Variants in GOLGA3 observed in about 807,000 individuals in gnomAD.
The protein encoded by GOLGA3 is golgin subfamily A member 3.
Under a neutral mutation model 169.4 loss-of-function variants are expected in GOLGA3, and 75 were observed. The ratio of observed to expected loss-of-function variants is 0.44; its 90% CI spans 0.37 to 0.54. The LOEUF is 0.54. Among genes scored for constraint, GOLGA3 ranks in the 20% least tolerant of loss-of-function variants. GOLGA3 has a pLI of 0.00. For missense variants in GOLGA3, 1,899 were observed against 1,930.0 expected, an observed-to-expected ratio of 0.98 and a Z score of 0.30; for synonymous variants, 824 against 822.4, an observed-to-expected ratio of 1.00 and a Z score of -0.03.
At chr12:132,795,560 A>T (rs945910477) in intron 11 of GOLGA3, among the ~76,000 whole-genome samples, 1 of 152,298 alleles carries the variant, frequency 6.6e-6, no homozygotes, top group Admixed American at 6.5e-5. Flanking sequence ...TAGGAGTTTG[A>T]GACTAGCCTG....
Position 132,789,080 on chromosome 12 carries a change from C to T in GOLGA3, c.2758G>A (p.Gly920Arg), listed in dbSNP as rs2046084140. The T allele has an allele frequency of 1.2e-6, 2 of 1,610,428 alleles. No homozygotes were observed. The highest frequency in any genetic ancestry group is 2.2e-5 in the South Asian group (2 of 90,832). ...QVRQHMADLE[G>R]HLQSAQKERD... is the part of the protein sequence containing the mutation. ...TCCTTCTGCGCCGACTGGAGATGCC[C>T]TTCAAGGTCCGCCATGTGCTGACGG... The change falls in exon 13 of 24, where the codon GGG becomes AGG. Residue 920 changes from glycine (G) to arginine (R), a missense_variant. Gly to Arg is a moderately radical substitution (Grantham distance 125). Transcript: ENST00000450791.
At chr12:132,802,408 T>G (rs1593320152) in intron 7 of GOLGA3, among the ~76,000 whole-genome samples, 5 of 146,920 alleles carry the variant, frequency 3.4e-5, no homozygotes, top group South Asian at 2.3e-4. Flanking sequence ...GGCACAGGGG[T>G]GCACGCCCAG....
At chr12:132,813,472 C>G (rs923387855) in intron 3 of GOLGA3, 53 bp from the exon 4 acceptor site, 1 of 948,290 alleles carries the variant, frequency 1.1e-6, no homozygotes, top group African/African-American at 1.6e-5. Flanking sequence ...GGATGCAGAA[C>G]AATCAGGCAC....
At chr12:132,802,192 C>A (rs1031203118) in intron 7 of GOLGA3, among the ~76,000 whole-genome samples, 1 of 152,286 alleles carries the variant, frequency 6.6e-6, no homozygotes, top group South Asian at 2.1e-4. Flanking sequence ...TTCCTGCAGG[C>A]CTCTGCTCAC....
intron 9 of GOLGA3, 60 bp downstream of exon 9, chr12:132,798,280 C>A: frequency 6.8e-7 from 1 of 1,474,872 alleles, no homozygotes; most frequent in Non-Finnish European, 9.2e-7. Context: ...AGAAAACACA[C>A]ATGGTATCGA....
chr12:132,774,521 T>G (rs1022704428), intron 22 of GOLGA3: 1 of 613,450 alleles, frequency 1.6e-6, no homozygotes, highest in African/African-American at 1.8e-5. Flanking sequence ...CCTTTATTCC[T>G]AAGGCACAAA....
chr12:132,775,396 A>G (rs1350820387), intron 21 of GOLGA3, 91 bp from the exon 22 acceptor site: 7 of 1,124,026 alleles, frequency 6.2e-6, no homozygotes, highest in Admixed American at 4.4e-5. Flanking sequence ...TTAAGCACAC[A>G]CATGTCCTCC....
At chr12:132,775,987 C>G (rs2045206316) in intron 21 of GOLGA3, among the ~76,000 whole-genome samples, 1 of 152,274 alleles carries the variant, frequency 6.6e-6, no homozygotes, top group Non-Finnish European at 1.5e-5. Context: ...CAGGCTTCGC[C>G]CCTGCCTCTG....
rs544707599 is a variant in GOLGA3 at position 132,816,688 on chromosome 12, T to C, written c.258A>G (p.Thr86=). 1.9e-6 allele frequency: 3 copies of C among 1,614,114 alleles called. No individual in the cohort carries two copies. The highest frequency in any genetic ancestry group is 2.2e-5 in the South Asian group (2 of 91,082). Residue 86 remains threonine, a synonymous_variant, in exon 3 of 24, where the codon ACA becomes ACG. Coordinates refer to ENST00000450791, the MANE Select transcript of GOLGA3 (RefSeq NM_001389683.1). The stretch of plus-strand genomic sequence containing the variant: ...GAGAGGCATCAGGGCCCACTGGGCT[T>C]GTGGTGGGATCGAGAGACGACGGAG... The part of the protein sequence containing the change: ...PDPPSSLDPT[T]SPVGPDASPG...
chr12:132,827,359 T>C (rs1020447728), intron 1 of GOLGA3, among the ~76,000 whole-genome samples: 1 of 152,212 alleles, frequency 6.6e-6, no homozygotes, highest in African/African-American at 2.4e-5. Context: ...AAGTCAGGAC[T>C]CCGGCCTCAG....
chr12:132,797,271 T>G (rs1463907341), intron 9 of GOLGA3, among the ~76,000 whole-genome samples: 1 of 152,178 alleles, frequency 6.6e-6, no homozygotes, highest in African/African-American at 2.4e-5. Flanking sequence ...CACGTGAGGC[T>G]GCAGAGAGCT....
At chr12:132,820,120 G>T (rs1950148553) in intron 2 of GOLGA3, among the ~76,000 whole-genome samples, 1 of 152,026 alleles carries the variant, frequency 6.6e-6, no homozygotes, top group Admixed American at 6.6e-5. Flanking sequence ...AGGTTGCCAT[G>T]AGCCGAGATC....
chr12:132,791,233 GTTCC>G lies in GOLGA3; in HGVS notation c.2526_2529del (p.Lys842AsnfsTer8). On this transcript the variant is annotated frameshift_variant, in exon 12 of 24. Coordinates refer to ENST00000450791, the MANE Select transcript of GOLGA3 (RefSeq NM_001389683.1). LOFTEE classifies it high-confidence loss of function. Reference sequence around the variant, plus strand: ...ATTTTTACCTTTTGTTGGAGAAACTGTTCCTTTATTTTTTGCATTTGCTTTTTCA... The same window carrying G: ...ATTTTTACCTTTTGTTGGAGAAACTGTTTATTTTTTGCATTTGCTTTTTCA... 6.3e-7 allele frequency: 1 copy of G among 1,599,516 alleles called. No individual in the cohort carries two copies. The highest frequency in any genetic ancestry group is 2.2e-5 in the East Asian group (1 of 44,756).
At chr12:132,786,937 T>C (rs2045934455) in intron 13 of GOLGA3, 150 bp from the exon 14 acceptor site, 1 of 616,962 alleles carries the variant, frequency 1.6e-6, no homozygotes, top group African/African-American at 1.9e-5. Flanking sequence ...GAGAGACGTC[T>C]GCCTTCTTAC....
chr12:132,813,430 A>T lies in GOLGA3; in HGVS notation c.407-11T>A. 6.7e-7 allele frequency: 1 copy of T among 1,484,902 alleles called. No homozygotes were observed. The highest frequency in any genetic ancestry group is 9.3e-7 in the Non-Finnish European group (1 of 1,074,518). The allele number at this position is 1,484,902 out of a possible 1,614,324, so 92.0% of individuals were successfully genotyped here. ...GAGAATCTGTAGAGCCTGCAGTGGG[A>T]AAAGGGCAATTTGGAAACTCATAAA... On this transcript the variant is annotated splice_polypyrimidine_tract_variant and intron_variant, in intron 3 of 23. Coordinates refer to ENST00000450791, the MANE Select transcript of GOLGA3 (RefSeq NM_001389683.1).
chr12:132,826,785 G>C (rs979771085), intron 1 of GOLGA3, among the ~76,000 whole-genome samples: 5 of 152,182 alleles, frequency 3.3e-5, no homozygotes, highest in South Asian at 2.1e-4. Context: ...TTAAAATTTG[G>C]AATGACTCAG....
chr12:132,808,757 C>T (rs1391043766), intron 4 of GOLGA3, among the ~76,000 whole-genome samples: 2 of 152,194 alleles, frequency 1.3e-5, no homozygotes, highest in Non-Finnish European at 2.9e-5. Context: ...TAGTGACCAG[C>T]ATGACCACCT....
chr12:132,821,364 GC>G (rs1468593440), intron 2 of GOLGA3, among the ~76,000 whole-genome samples: 4 of 150,954 alleles, frequency 2.6e-5, no homozygotes, highest in Non-Finnish European at 2.9e-5. Flanking sequence ...ACGAGATCTC[GC>G]CATTGCACTC....
rs1390888957 is a variant in GOLGA3 at position 132,777,204 on chromosome 12, T to A, written c.3723-114A>T. On this transcript the variant is annotated intron_variant, in intron 19 of 23. Coordinates refer to ENST00000450791, the MANE Select transcript of GOLGA3 (RefSeq NM_001389683.1). The surrounding 1 kb of genome is among the most constrained non-coding windows in gnomAD (Gnocchi z 4.7). ...GTTCGTCCTGGCAGGCCCTCTGCTG[T>A]GCACTGCGTGCTGCAGCCATGCTTG... 10 of 1,121,156 alleles carry A rather than the reference T, an allele frequency of 8.9e-6. No homozygotes were observed. The highest frequency in any genetic ancestry group is 8.8e-6 in the Non-Finnish European group (7 of 792,194). 69.5% of individuals were successfully genotyped at this position (1,121,156 alleles called of 1,614,324 possible).
Sources: allele counts gnomAD v4.1 joint callset (sites outside exome capture counted in the v4.1 genomes callset), GRCh38; gene constraint gnomAD v4.1.1; non-coding constraint Gnocchi (gnomAD v3.1); transcripts MANE v1.5; gene names NCBI Gene and HGNC (gene_info 2026-07-23, HGNC 2026-07-21).